ZNF420: variants seen among roughly 807,000 people sequenced by gnomAD.
ZNF420 encodes the protein ATM and p53-associated KZNF protein.
A neutral mutation model predicts 44.7 loss-of-function variants in ZNF420; 31 were observed. The ratio of observed to expected loss-of-function variants is 0.69; its 90% CI spans 0.52 to 0.94. The LOEUF (loss-of-function observed/expected upper bound fraction) is 0.94. Ranked by LOEUF, ZNF420 falls within the 40% of genes least tolerant of loss-of-function variation. The pLI is 0.00. For synonymous variants in ZNF420, 245 were observed against 267.4 expected, an observed-to-expected ratio of 0.92 and a Z score of 0.82; for missense variants, 681 against 827.9, an observed-to-expected ratio of 0.82 and a Z score of 2.18.
intron 1 of ZNF420, among the ~76,000 whole-genome samples, chr19:37,042,466 C>G (rs1056351728): frequency 2.0e-5 from 3 of 152,204 alleles, no homozygotes; most frequent in Non-Finnish European, 2.9e-5. Flanking sequence ...ACTTCCAGAA[C>G]TAAATGTAAG....
intron 4 of ZNF420, 87 bp downstream of exon 4, chr19:37,091,208 T>C (rs1337113320): frequency 7.6e-7 from 1 of 1,307,410 alleles, no homozygotes; most frequent in African/African-American, 1.5e-5. Context: ...TTTTAAGTAA[T>C]TAACTGAATT....
At chr19:37,029,883 T>C (rs1160792552) in intron 1 of ZNF420, among the ~76,000 whole-genome samples, 1 of 152,074 alleles carries the variant, frequency 6.6e-6, no homozygotes, top group African/African-American at 2.4e-5. Flanking sequence ...GATATATATA[T>C]ACATAGTCAA....
chr19:37,101,770 C>G (rs1434468860), intron 4 of ZNF420, among the ~76,000 whole-genome samples: 1 of 152,248 alleles, frequency 6.6e-6, no homozygotes. Context: ...AGACAGGGAC[C>G]TGAGCCCAGA....
intron 4 of ZNF420, among the ~76,000 whole-genome samples, chr19:37,098,154 A>G (rs1969566001): frequency 6.6e-6 from 1 of 151,960 alleles, no homozygotes. Flanking sequence ...GTTTTGCCAC[A>G]TTGCCCAGAC....
At chr19:37,042,121 C>G (rs1321974572) in intron 1 of ZNF420, among the ~76,000 whole-genome samples, 1 of 152,178 alleles carries the variant, frequency 6.6e-6, no homozygotes, top group African/African-American at 2.4e-5. Flanking sequence ...CCCTCAGCTT[C>G]TGGAGTAACT....
At chr19:37,118,078 A>G (rs1253360791) in intron 4 of ZNF420, among the ~76,000 whole-genome samples, 1 of 152,354 alleles carries the variant, frequency 6.6e-6, no homozygotes, top group East Asian at 1.9e-4. Context: ...AACTTCCCCA[A>G]TCTAGCAAGG....
At chr19:37,065,893 C>A (rs2146447606) in intron 1 of ZNF420, among the ~76,000 whole-genome samples, 1 of 152,192 alleles carries the variant, frequency 6.6e-6, no homozygotes, top group South Asian at 2.1e-4. Flanking sequence ...GATATCCATA[C>A]AGAAAAAGAA....
rs780627236 is a variant in ZNF420 at position 37,012,760 on chromosome 19, A to ATGTGTGTG, written c.-125+4681_-125+4682insGTGTGTGT. On this transcript the variant is annotated intron_variant, in intron 1 of 4. Coordinates refer to the ZNF420 transcript ENST00000587029. ...GGGTGTGCTTCTGTGCCACTGCTAT[A>ATGTGTGTG]TGTCTCTGTGTGTGTGTGTGTGTGT... is the stretch of plus-strand genomic sequence containing the variant. Among the ~76,000 whole-genome samples, 306 of 101,996 alleles carry ATGTGTGTG rather than the reference A, an allele frequency of 3.0e-3. 3 individuals carry two copies. The highest frequency in any genetic ancestry group is 8.3e-3 in the Middle Eastern group (2 of 242). The allele number at this position is 101,996 out of a possible 152,430, so 66.9% of individuals were successfully genotyped here. A position where few individuals can be genotyped will look rare whatever the true frequency, so the allele number is the denominator to read the frequency against.
intron 4 of ZNF420, among the ~76,000 whole-genome samples, chr19:37,114,799 CTTT>C (rs1388026572): frequency 1.3e-5 from 2 of 152,156 alleles, no homozygotes; most frequent in African/African-American, 4.8e-5. Context: ...TCTAAAGCTA[CTTT>C]AATAATGGCC....
At chr19:37,057,431 ATGTCTG>A (rs751450348) in intron 1 of ZNF420, among the ~76,000 whole-genome samples, 8 of 151,234 alleles carry the variant, frequency 5.3e-5, no homozygotes, top group African/African-American at 1.7e-4. Context: ...CCACTGCTGT[ATGTCTG>A]TGTGTGTGTC....
At chr19:37,026,317 C>A in intron 1 of ZNF420, among the ~76,000 whole-genome samples, 1 of 149,404 alleles carries the variant, frequency 6.7e-6, no homozygotes, top group African/African-American at 2.5e-5. Context: ...GCCACCATGC[C>A]CGGCTCTTTT....
chr19:37,028,614 A>C (rs1263914621), intron 1 of ZNF420, among the ~76,000 whole-genome samples: 1 of 151,990 alleles, frequency 6.6e-6, no homozygotes, highest in Non-Finnish European at 1.5e-5. Flanking sequence ...GCTACATCTG[A>C]TTTTTCTCTT....
intron 1 of ZNF420, among the ~76,000 whole-genome samples, chr19:37,026,323 CT>C (rs74174444): frequency 1.4e-3 from 187 of 138,042 alleles, no homozygotes; most frequent in Middle Eastern, 3.8e-3. Flanking sequence ...ATGCCCGGCT[CT>C]TTTTTTTTTT....
intron 1 of ZNF420, among the ~76,000 whole-genome samples, chr19:37,029,289 A>T (rs765789508): frequency 1.9e-4 from 29 of 152,206 alleles, no homozygotes; most frequent in Non-Finnish European, 3.7e-4. Flanking sequence ...ATTTCTATTC[A>T]AATGCATCTA....
At chr19:37,083,611 G>A (rs1041507397) in intron 2 of ZNF420, among the ~76,000 whole-genome samples, 1 of 152,148 alleles carries the variant, frequency 6.6e-6, no homozygotes, top group African/African-American at 2.4e-5. Flanking sequence ...CAAGTGGAAG[G>A]TTTACCCTCT....
intron 1 of ZNF420, among the ~76,000 whole-genome samples, chr19:37,054,930 A>G (rs964302303): frequency 1.3e-5 from 2 of 152,114 alleles, no homozygotes; most frequent in African/African-American, 4.8e-5. Context: ...AGCCTCAGCC[A>G]CTCCTGGGAC....
At chr19:37,051,809 G>A (rs1967644574) in intron 1 of ZNF420, among the ~76,000 whole-genome samples, 1 of 152,146 alleles carries the variant, frequency 6.6e-6, no homozygotes, top group Admixed American at 6.5e-5. Context: ...TAATTGTGAT[G>A]TTAGGGTGTC....
rs752697752 is a variant in ZNF420, at chr19:37,127,992, C to T, written c.1001C>T (p.Pro334Leu). Residue 334 changes from proline to leucine, a missense_variant, in exon 5 of 5, where the codon CCA (proline) becomes CTA (leucine). This residue lies in a region of ZNF420 where 51 missense variants were observed against 106.8 expected (regional missense o/e 0.48). Transcript: ENST00000337995. The stretch of plus-strand genomic sequence containing the variant: ...CAGAAAATTCATAATGGGGAAAAAC[C>T]ATATGAATGTAAGGAATGTGGAAGG... The part of the protein sequence containing the change: ...QHQKIHNGEK[P>L]YECKECGRAF... 1.9e-6 allele frequency: 3 copies of T among 1,613,774 alleles called. No homozygotes were observed. In the South Asian group the frequency reaches 3.3e-5, roughly 18 times the overall value.
At chr19:37,113,802 G>C (rs923542218) in intron 4 of ZNF420, among the ~76,000 whole-genome samples, 1 of 152,096 alleles carries the variant, frequency 6.6e-6, no homozygotes, top group African/African-American at 2.4e-5. Flanking sequence ...ATGTTAACTG[G>C]AGGATTGGCA....
Sources: allele counts gnomAD v4.1 joint callset (sites outside exome capture counted in the v4.1 genomes callset), GRCh38; gene constraint gnomAD v4.1.1; regional missense constraint gnomAD v4.1.1; transcripts MANE v1.5; gene names NCBI Gene and HGNC (gene_info 2026-07-23, HGNC 2026-07-21).